The following ALG9 variants were observed in gnomAD, a reference collection of about 807,000 sequenced individuals.
ALG9 encodes ALG9 alpha-1,2-mannosyltransferase, also known as alpha-1,2-mannosyltransferase ALG9.
A neutral mutation model predicts 81.8 loss-of-function variants in ALG9; 55 were observed. The observed-to-expected ratio is 0.67, with a 90% CI of 0.54 to 0.84. ALG9 has a LOEUF of 0.84. Ranked by LOEUF, ALG9 falls within the 40% of genes least tolerant of loss-of-function variation. The probability of loss-of-function intolerance (pLI) is 0.00; values close to 1 mark genes in which losing one functional copy is unlikely to be tolerated. For missense variants in ALG9, 629 were observed against 745.0 expected, an observed-to-expected ratio of 0.84 and a Z score of 1.81; for synonymous variants, 278 against 274.3, an observed-to-expected ratio of 1.01 and a Z score of -0.13.
intron 13 of ALG9, among the ~76,000 whole-genome samples, chr11:111,824,419 T>C (rs1952901044): frequency 6.6e-6 from 1 of 152,208 alleles, no homozygotes; most frequent in South Asian, 2.1e-4. Flanking sequence ...TTGTATATTG[T>C]TATTACAGTT....
At chr11:111,770,405 G>A in the ALG9 span, among the ~76,000 whole-genome samples, 17 of 152,096 alleles carry the variant, frequency 1.1e-4, no homozygotes, top group African/African-American at 2.4e-4. Flanking sequence ...GAGGCCACCC[G>A]TGTCCAGAAG....
Position 111,853,460 on chromosome 11 carries a change from T to C in ALG9, c.815A>G (p.Tyr272Cys), listed in dbSNP as rs145762575. ...TGCAATCACCAACTTCCCATAATAGTAGCTGTCAATGACCACCACAGGCAC... is the reference window on the plus strand; with the variant it reads ...TGCAATCACCAACTTCCCATAATAGCAGCTGTCAATGACCACCACAGGCAC... Reference protein sequence around the residue: ...FLVPVVVIDSYYYGKLVIAPL... With the variant: ...FLVPVVVIDSCYYGKLVIAPL... Residue 272 changes from tyrosine (Y) to cysteine (C), a missense_variant, in exon 8 of 15, where the codon TAC (tyrosine) becomes TGC (cysteine). By Grantham distance (194) the Tyr-to-Cys change is radical. This residue lies in a region of ALG9 where 344 missense variants were observed against 390.5 expected (regional missense o/e 0.88). Coordinates refer to ENST00000616540, the MANE Select transcript of ALG9 (RefSeq NM_024740.2). 687 of 1,613,948 alleles carry C rather than the reference T, an allele frequency of 4.3e-4. 3 individuals carry two copies. The African/African-American group carries it at 7.9e-3, about 18-fold the overall frequency.
downstream of ALG9, among the ~76,000 whole-genome samples, chr11:111,780,280 T>C (rs797029553): frequency 2.0e-5 from 3 of 152,354 alleles, no homozygotes; most frequent in Admixed American, 6.5e-5. Flanking sequence ...AAAATGCTTT[T>C]GTAAAGAAGC....
At chr11:111,813,711 T>C (rs1195575930) in intron 13 of ALG9, among the ~76,000 whole-genome samples, 1 of 152,134 alleles carries the variant, frequency 6.6e-6, no homozygotes, top group Non-Finnish European at 1.5e-5. Context: ...AGGTACTTTA[T>C]AAGAATAAAC....
At chr11:111,806,624 CT>C (rs2136380316) in intron 14 of ALG9, among the ~76,000 whole-genome samples, 1 of 152,268 alleles carries the variant, frequency 6.6e-6, no homozygotes, top group Admixed American at 6.5e-5. Context: ...TCGTCCCTAA[CT>C]TCATTCTCTC....
rs1592179102 is a variant in ALG9, at chr11:111,837,460, C to T, written c.1472+8G>A. On this transcript the variant is annotated splice_region_variant and intron_variant, in intron 12 of 14. Coordinates refer to ENST00000616540, the MANE Select transcript of ALG9 (RefSeq NM_024740.2). The stretch of plus-strand genomic sequence containing the variant: ...ATTTAAAACCCTAGGAATTAAAGGA[C>T]AACTTACTTGTCAGGAAGAAGGAAG... 1 of 1,613,948 alleles carries T rather than the reference C, an allele frequency of 6.2e-7. No homozygotes were observed. The highest frequency in any genetic ancestry group is 8.5e-7 in the Non-Finnish European group (1 of 1,180,010).
rs782259229 is a variant in ALG9, at chr11:111,840,784, C to T, written c.1044G>A (p.Trp348Ter). The T allele has an allele frequency of 6.2e-7, 1 of 1,613,994 alleles. No homozygotes were observed. The highest frequency in any genetic ancestry group is 1.7e-5 in the Admixed American group (1 of 60,004). Reference sequence around the variant, plus strand: ...AAATATACATTGGAGCCAAGGTAAGCCAATACGGGTGGCCTAAATTCTGAA... The same window carrying T: ...AAATATACATTGGAGCCAAGGTAAGTCAATACGGGTGGCCTAAATTCTGAA... ...FHVQNLGHPYWLTLAPMYIWF... is the reference protein window; with the variant it reads ...FHVQNLGHPY The change falls in exon 10 of 15, where the codon TGG becomes TGA. Residue 348 changes from tryptophan to a stop codon, truncating the protein, a stop_gained. Transcript: ENST00000616540. LOFTEE classifies it high-confidence loss of function.
intron 13 of ALG9, among the ~76,000 whole-genome samples, chr11:111,819,796 C>T (rs1468313619): frequency 1.3e-5 from 2 of 152,224 alleles, no homozygotes; most frequent in East Asian, 3.8e-4. Context: ...TCTGTGAAGG[C>T]AAGAACTGAA....
chr11:111,780,242 T>C (rs1945853950), downstream of ALG9, among the ~76,000 whole-genome samples: 1 of 152,152 alleles, frequency 6.6e-6, no homozygotes, highest in South Asian at 2.1e-4. Context: ...AAAGGTACCC[T>C]TTCTCTCTTT....
At position 111,809,632 on chromosome 11, in the gene ALG9, A is replaced by C. The variant is rs782269094; in HGVS notation, c.1733+11T>G. The C allele has an allele frequency of 1.2e-6, 2 of 1,613,982 alleles. No individual in the cohort carries two copies. The highest frequency in any genetic ancestry group is 1.1e-5 in the South Asian group (1 of 91,082). ...AGTCCTGGAATATCCCATAGGATTA[A>C]AGCCACATACCTAGAAGCATCAAGG... On this transcript the variant is annotated intron_variant, in intron 14 of 14. Transcript: ENST00000616540.
intron 14 of ALG9, among the ~76,000 whole-genome samples, chr11:111,807,443 C>G (rs1950088160): frequency 6.6e-6 from 1 of 152,142 alleles, no homozygotes; most frequent in African/African-American, 2.4e-5. Flanking sequence ...TTCATTGAGG[C>G]CGACTCTGAC....
At position 111,853,328 on chromosome 11, in the gene ALG9, C is replaced by G. The variant is rs1958123114; in HGVS notation, c.895+52G>C. 2.4e-6 allele frequency: 3 copies of G among 1,258,134 alleles called. No homozygotes were observed. In the Admixed American group the frequency reaches 5.1e-5, roughly 21 times the overall value. 77.9% of individuals were successfully genotyped at this position (1,258,134 alleles called of 1,614,324 possible). A position where few individuals can be genotyped will look rare whatever the true frequency, so the allele number is the denominator to read the frequency against. On this transcript the variant is annotated intron_variant, in intron 8 of 14. Coordinates refer to ENST00000616540, the MANE Select transcript of ALG9 (RefSeq NM_024740.2). ...GCAACTGAATTAAAATGCTGAAGTT[C>G]AGGCAAATTAAGCTATCTCCTAACA... is the stretch of plus-strand genomic sequence containing the variant.
intron 14 of ALG9, 71 bp downstream of exon 14, chr11:111,809,572 T>A: frequency 6.3e-7 from 1 of 1,581,554 alleles, no homozygotes; most frequent in Admixed American, 1.7e-5. Context: ...GGACTGGAAG[T>A]TATATAATCC....
At chr11:111,830,544 G>C in intron 13 of ALG9, among the ~76,000 whole-genome samples, 1 of 152,236 alleles carries the variant, frequency 6.6e-6, no homozygotes, top group Admixed American at 6.5e-5. Flanking sequence ...ATTAACTTTA[G>C]AGAAGTATTT....
chr11:111,869,215 C>T (rs542309883), intron 2 of ALG9, among the ~76,000 whole-genome samples: 1 of 152,186 alleles, frequency 6.6e-6, no homozygotes, highest in South Asian at 2.1e-4. Flanking sequence ...TAAATTTTAC[C>T]TTCTACTTAT....
intron 14 of ALG9, chr11:111,805,461 G>A: frequency 2.6e-6 from 1 of 389,150 alleles, no homozygotes; most frequent in Non-Finnish European, 5.1e-6. Flanking sequence ...CCAGACAATG[G>A]AATATTATTC....
intron 2 of ALG9, 30 bp downstream of exon 2, chr11:111,870,201 AC>A: frequency 6.2e-7 from 1 of 1,604,162 alleles, no homozygotes; most frequent in Non-Finnish European, 8.5e-7. Context: ...AAAATCAAGA[AC>A]AAAAAGAGAA....
chr11:111,838,517 G>T, intron 10 of ALG9, 118 bp from the exon 11 acceptor site: 2 of 875,810 alleles, frequency 2.3e-6, no homozygotes, highest in Non-Finnish European at 3.5e-6. Flanking sequence ...CAACAGTGAG[G>T]TACCTACTCC....
At chr11:111,813,748 C>G (rs149872530) in intron 13 of ALG9, among the ~76,000 whole-genome samples, 388 of 152,142 alleles carry the variant, frequency 2.6e-3, no homozygotes, top group African/African-American at 8.7e-3. Context: ...AGTGAAAATG[C>G]GTTCAACCTC....
Sources: gnomAD v4.1 joint callset for allele counts (sites outside exome capture counted in the v4.1 genomes callset) on GRCh38, gnomAD v4.1.1 for gene constraint, gnomAD v4.1.1 regional missense constraint, MANE v1.5 for transcripts, NCBI Gene and HGNC (gene_info 2026-07-23, HGNC 2026-07-21) for gene names.